PCDHGA8: variants seen among roughly 807,000 people sequenced by gnomAD.
PCDHGA8 encodes the protein protocadherin gamma subfamily A, 8, also known as protocadherin gamma-A8.
In PCDHGA8, 45 loss-of-function variants were observed where a neutral mutation model predicts 59.2. That is an observed-to-expected ratio of 0.76 (90% confidence interval 0.60 to 0.98). The LOEUF is 0.98. Ranked by LOEUF, PCDHGA8 falls within the 50% of genes least tolerant of loss-of-function variation. PCDHGA8 has a pLI of 0.00. For synonymous variants in PCDHGA8, 531 were observed against 519.0 expected (o/e 1.02, Z -0.32); for missense variants, 1,257 against 1,196.2 (o/e 1.05, Z -0.75).
At chr5:141,420,245 G>A (rs72790042) in intron 1 of PCDHGA8, 83,459 of 1,583,130 alleles carry the variant, frequency 0.053, 2,452 homozygotes, top group African/African-American at 0.1. Context: ...AACTCCCAGC[G>A]TTGAAGCAGA....
At position 141,490,807 on chromosome 5, in the gene PCDHGA8, G is replaced by T. The variant is rs1315856354; in HGVS notation, c.2425-4000G>T. Reference sequence around the variant, plus strand: ...ACGGATCTTTGCCCAGCGTACCTTTGACTATGAATTGCTGCAGATGCTGCA... The same window carrying T: ...ACGGATCTTTGCCCAGCGTACCTTTTACTATGAATTGCTGCAGATGCTGCA... On this transcript the variant is annotated intron_variant, in intron 1 of 3. Transcript: ENST00000398604. This position sits in a 1 kb window ranked among gnomAD's most constrained non-coding sequence, Gnocchi z 5.4. 6.2e-7 allele frequency: 1 copy of T among 1,613,924 alleles called. No individual in the cohort carries two copies. The highest frequency in any genetic ancestry group is 8.5e-7 in the Non-Finnish European group (1 of 1,179,870).
chr5:141,408,311 A>C (rs1467917610), intron 1 of PCDHGA8: 1 of 1,613,650 alleles, frequency 6.2e-7, no homozygotes, highest in African/African-American at 1.3e-5. Context: ...CCGCTACTCG[A>C]TTCCGGAGGA....
Position 141,487,424 on chromosome 5 carries a change from C to T in PCDHGA8, c.2425-7383C>T, listed in dbSNP as rs759893122. 5 of 1,613,982 alleles carry T rather than the reference C, an allele frequency of 3.1e-6. No individual in the cohort carries two copies. The highest frequency in any genetic ancestry group is 1.7e-5 in the Admixed American group (1 of 60,000). On this transcript the variant is annotated intron_variant, in intron 1 of 3. Transcript: ENST00000398604. The surrounding 1 kb of genome is among the most constrained non-coding windows in gnomAD (Gnocchi z 5.0). ...GCTTCCCCCTTCCAATGGGATCCTC[C>T]GAATCCAGCTAGGGTCAGATGACCC...
intron 1 of PCDHGA8, chr5:141,398,388 C>G: frequency 6.9e-7 from 1 of 1,454,974 alleles, no homozygotes; most frequent in African/African-American, 1.4e-5. Flanking sequence ...TGCTTGTGAG[C>G]AGCAGGCTAG....
chr5:141,477,229 C>T lies in PCDHGA8; in HGVS notation c.2425-17578C>T. ...AGGATGCCCCTCTGGGGACTGTCAT[C>T]GCTTTGCTCAGTGTGACTGACCTGG... On this transcript the variant is annotated intron_variant, in intron 1 of 3. Transcript: ENST00000398604. The surrounding 1 kb of genome is among the most constrained non-coding windows in gnomAD (Gnocchi z 4.9). 6.2e-7 allele frequency: 1 copy of T among 1,614,222 alleles called. No homozygotes were observed. Among genetic ancestry groups the T allele is most frequent in the Non-Finnish European group, 8.5e-7 (1 of 1,180,052 alleles).
intron 1 of PCDHGA8, chr5:141,440,479 T>C (rs949675242): frequency 6.6e-6 from 1 of 152,172 alleles, no homozygotes; most frequent in African/African-American, 2.4e-5. Context: ...TTGAAAATTC[T>C]TTAAATGTTT....
In PCDHGA8 at chr5:141,476,718, C is replaced by T; in HGVS notation, c.2425-18089C>T. On this transcript the variant is annotated intron_variant, in intron 1 of 3. Transcript: ENST00000398604. The surrounding 1 kb of genome is among the most constrained non-coding windows in gnomAD (Gnocchi z 7.6). ...TACGCGGAGCTGGTGTTGGAGCGCG[C>T]CCTGGACCGAGAACGGGAGCCTAGT... The T allele has an allele frequency of 1.2e-6, 2 of 1,614,144 alleles. No individual in the cohort carries two copies. The highest frequency in any genetic ancestry group is 2.2e-5 in the East Asian group (1 of 44,874).
At chr5:141,399,497 T>C in intron 1 of PCDHGA8, 1 of 1,614,030 alleles carries the variant, frequency 6.2e-7, no homozygotes, top group Non-Finnish European at 8.5e-7. Flanking sequence ...TTAGTCAGTG[T>C]ACCCGAAAAC....
intron 1 of PCDHGA8, chr5:141,409,887 TGCTGTAC>T: frequency 6.2e-7 from 1 of 1,613,062 alleles, no homozygotes; most frequent in Non-Finnish European, 8.5e-7. Flanking sequence ...GCACCGCGGG[TGCTGTAC>T]CCAGCTCTGG....
chr5:141,461,813 C>T (rs2099023751), intron 1 of PCDHGA8, among the ~76,000 whole-genome samples: 1 of 151,846 alleles, frequency 6.6e-6, no homozygotes, highest in African/African-American at 2.4e-5. Flanking sequence ...ACCACCACAC[C>T]CAGCTAATTT....
Position 141,405,029 on chromosome 5 carries a change from C to G in PCDHGA8, c.2424+9792C>G, listed in dbSNP as rs565871444. 16 of 1,613,976 alleles carry G rather than the reference C, an allele frequency of 9.9e-6. No individual in the cohort carries two copies. The Admixed American group carries it at 1.0e-4, about 10-fold the overall frequency. On this transcript the variant is annotated intron_variant, in intron 1 of 3. Coordinates refer to ENST00000398604, the MANE Select transcript of PCDHGA8 (RefSeq NM_032088.2). ...GGAGGCCTCAGACCTTACCCTCTAC[C>G]TCGTTGTGGCTGTGGCAGTCGTCTC...
chr5:141,500,433 T>C (rs1398344932), intron 2 of PCDHGA8, among the ~76,000 whole-genome samples: 1 of 151,764 alleles, frequency 6.6e-6, no homozygotes, highest in East Asian at 1.9e-4. Context: ...ATGGTCTCGA[T>C]CTCCTGACCT....
chr5:141,393,789 G>C lies in PCDHGA8; in HGVS notation c.976G>C (p.Ala326Pro), dbSNP rs889575374. Residue 326 changes from alanine to proline, a missense_variant, in exon 1 of 4, where the codon GCA becomes CCA. By Grantham distance (27) the Ala-to-Pro change is conservative. Transcript: ENST00000398604. ...EMEIQAEDVG[A>P]LLGRTKLLIS... ...GGAAATACAAGCCGAAGATGTGGGGGCACTTCTGGGGAGGACCAAATTGCT... is the reference window on the plus strand; with the variant it reads ...GGAAATACAAGCCGAAGATGTGGGGCCACTTCTGGGGAGGACCAAATTGCT... The C allele has an allele frequency of 1.9e-6, 3 of 1,613,840 alleles. No homozygotes were observed. The African/African-American group carries it at 4.0e-5, about 22-fold the overall frequency.
Position 141,392,730 on chromosome 5 carries a change from C to T in PCDHGA8, c.-84C>T, listed in dbSNP as rs1374381872. 10 of 1,409,212 alleles carry T rather than the reference C, an allele frequency of 7.1e-6. No homozygotes were observed. Among genetic ancestry groups the T allele is most frequent in the Non-Finnish European group, 8.4e-6 (9 of 1,074,220 alleles). 87.3% of individuals were successfully genotyped at this position (1,409,212 alleles called of 1,614,324 possible). On this transcript the variant is annotated 5_prime_UTR_variant, in exon 1 of 4. Transcript: ENST00000398604. Reference sequence around the variant, plus strand: ...GCACTCCAGGTTTCCGGAGGATTGTCATCTCCATAGCTGCGGCAAGAAACT... The same window carrying T: ...GCACTCCAGGTTTCCGGAGGATTGTTATCTCCATAGCTGCGGCAAGAAACT...
chr5:141,482,404 A>C (rs1262544355), intron 1 of PCDHGA8, among the ~76,000 whole-genome samples: 1 of 152,076 alleles, frequency 6.6e-6, no homozygotes, highest in Non-Finnish European at 1.5e-5. Flanking sequence ...GTACTCAATA[A>C]CTATTTGTTG....
intron 1 of PCDHGA8, among the ~76,000 whole-genome samples, chr5:141,452,271 C>A (rs1592214421): frequency 6.6e-6 from 1 of 152,108 alleles, no homozygotes. Flanking sequence ...TTTCTTGAAC[C>A]CTTTCTTACT....
intron 2 of PCDHGA8, among the ~76,000 whole-genome samples, chr5:141,496,410 A>G (rs77823969): frequency 0.019 from 2,839 of 152,308 alleles, 40 homozygotes; most frequent in Middle Eastern, 0.082. Context: ...ATGGTTGAGT[A>G]CTTGCTGTCC....
chr5:141,426,887 G>A (rs1309180455), intron 1 of PCDHGA8: 1 of 456,646 alleles, frequency 2.2e-6, no homozygotes, highest in Non-Finnish European at 4.4e-6. Context: ...TGGGCCAGGA[G>A]CAACAGAGCT....
chr5:141,501,441 A>G (rs547792017), intron 2 of PCDHGA8, among the ~76,000 whole-genome samples: 1 of 151,898 alleles, frequency 6.6e-6, no homozygotes, highest in African/African-American at 2.4e-5. Context: ...CATTTCTTCC[A>G]TTTTTACTTT....
Sources: gnomAD v4.1 joint callset for allele counts (sites outside exome capture counted in the v4.1 genomes callset) on GRCh38, gnomAD v4.1.1 for gene constraint, Gnocchi (gnomAD v3.1) non-coding constraint, MANE v1.5 for transcripts, NCBI Gene and HGNC (gene_info 2026-07-23, HGNC 2026-07-21) for gene names.